Variants in VLDLR observed in about 807,000 individuals in gnomAD.
The protein encoded by VLDLR is very low-density lipoprotein receptor.
In VLDLR, 81 loss-of-function variants were observed where a neutral mutation model predicts 112.7. The observed-to-expected ratio is 0.72, with a 90% CI of 0.60 to 0.86. VLDLR has a LOEUF of 0.86. VLDLR is among the 40% of genes least tolerant of loss of function. VLDLR has a pLI of 0.00. For synonymous variants in VLDLR, 436 were observed against 384.8 expected (o/e 1.13, Z -1.56); for missense variants, 1,237 against 1,099.4 (o/e 1.13, Z -1.77).
chr9:2,626,970 T>C (rs1817119758), intron 1 of VLDLR, among the ~76,000 whole-genome samples: 2 of 152,246 alleles, frequency 1.3e-5, no homozygotes, highest in African/African-American at 2.4e-5. Flanking sequence ...AGATTGATGT[T>C]GGTCATCTTT....
rs567585404 is a variant in VLDLR at position 2,657,245 on chromosome 9, C to G, written c.*3377C>G. On this transcript the variant is annotated 3_prime_UTR_variant, in exon 19 of 19. Transcript: ENST00000382100. ...GAATTCTTACTAGTGAAATCTTACC[C>G]AAGTAAAACAATTTATTATTTTGAA... is the stretch of plus-strand genomic sequence containing the variant. The G allele has an allele frequency of 6.6e-6, 1 of 152,208 alleles. No homozygotes were observed. Among genetic ancestry groups the G allele is most frequent in the Admixed American group, 6.5e-5 (1 of 15,288 alleles). The allele number at this position is 152,208 out of a possible 1,614,324, so 9.4% of individuals were successfully genotyped here.
At chr9:2,633,031 GGA>G (rs71329438) in intron 1 of VLDLR, among the ~76,000 whole-genome samples, 7,011 of 138,280 alleles carry the variant, frequency 0.051, 216 homozygotes, top group Non-Finnish European at 0.063. Context: ...ACTCCTTATT[GGA>G]GAGAGAGAGA....
intron 2 of VLDLR, among the ~76,000 whole-genome samples, chr9:2,638,302 C>T (rs148611941): frequency 1.8e-3 from 270 of 152,288 alleles, no homozygotes; most frequent in Non-Finnish European, 2.8e-3. Context: ...ACTGTAATCA[C>T]TGTCTCTCTC....
Position 2,655,327 on chromosome 9 carries a change from ATTAC to A in VLDLR, c.*1462_*1465del, listed in dbSNP as rs1301019203. 6.6e-6 allele frequency: 1 copy of A among 152,174 alleles called. No homozygotes were observed. The highest frequency in any genetic ancestry group is 1.5e-5 in the Non-Finnish European group (1 of 68,032). The allele number at this position is 152,174 out of a possible 1,614,324, so 9.4% of individuals were successfully genotyped here. A position where few individuals can be genotyped will look rare whatever the true frequency, so the allele number is the denominator to read the frequency against. ...TAGTGAATTTTCCATCAGGTTGGCC[ATTAC>A]TTTCTTTCTCTAAAGTCTCAGGATG... On this transcript the variant is annotated 3_prime_UTR_variant, in exon 19 of 19. Transcript: ENST00000382100.
chr9:2,622,088 C>G lies in VLDLR; in HGVS notation c.-102C>G, dbSNP rs916870455. The G allele has an allele frequency of 8.4e-7, 1 of 1,185,188 alleles. No homozygotes were observed. The highest frequency in any genetic ancestry group is 1.6e-5 in the African/African-American group (1 of 62,472). 73.4% of individuals were successfully genotyped at this position (1,185,188 alleles called of 1,614,324 possible). On this transcript the variant is annotated 5_prime_UTR_variant, in exon 1 of 19. Coordinates refer to ENST00000382100, the MANE Select transcript of VLDLR (RefSeq NM_003383.5). ...TCCCCTCCTTCTCCCCCTTTCCCCT[C>G]CCCGCCCCCACCTTCTTCCTCCTTT...
rs1465484960 is a variant in VLDLR at position 2,654,747 on chromosome 9, C to G, written c.*879C>G. On this transcript the variant is annotated 3_prime_UTR_variant, in exon 19 of 19. Transcript: ENST00000382100. ...AGTGAGTTTCTTTTTTTTCCATTAA[C>G]TTGTTTCCTGATCGAGAAACACGTG... 2 of 152,098 alleles carry G rather than the reference C, an allele frequency of 1.3e-5. No individual in the cohort carries two copies. Among genetic ancestry groups the G allele is most frequent in the African/African-American group, 4.8e-5 (2 of 41,430 alleles). 9.4% of individuals were successfully genotyped at this position (152,098 alleles called of 1,614,324 possible). A position where few individuals can be genotyped will look rare whatever the true frequency, so the allele number is the denominator to read the frequency against.
chr9:2,659,055 T>C lies in VLDLR; in HGVS notation c.*5187T>C, dbSNP rs1237338834. On this transcript the variant is annotated 3_prime_UTR_variant, in exon 19 of 19. Coordinates refer to ENST00000382100, the MANE Select transcript of VLDLR (RefSeq NM_003383.5). ...AATATTTGGGAGCCTGCATAGTCTT[T>C]AGATGGCTGCCAAAGCACTTAAAAT... 6.6e-6 allele frequency: 1 copy of C among 152,214 alleles called. No individual in the cohort carries two copies. Among genetic ancestry groups the C allele is most frequent in the African/African-American group, 2.4e-5 (1 of 41,456 alleles). 9.4% of individuals were successfully genotyped at this position (152,214 alleles called of 1,614,324 possible).
Position 2,647,597 on chromosome 9 carries a change from G to A in VLDLR, c.1822+5G>A, listed in dbSNP as rs748669066. 18 of 1,609,808 alleles carry A rather than the reference G, an allele frequency of 1.1e-5. No individual in the cohort carries two copies. Among genetic ancestry groups the A allele is most frequent in the East Asian group, 2.2e-5 (1 of 44,858 alleles). Reference sequence around the variant, plus strand: ...GGCCTAACGGAATTACACTTGGTATGTATGTTCTTCCTTCTCGACCACCCA... The same window carrying A: ...GGCCTAACGGAATTACACTTGGTATATATGTTCTTCCTTCTCGACCACCCA... On this transcript the variant is annotated splice_donor_5th_base_variant and intron_variant, in intron 12 of 18. Transcript: ENST00000382100.
chr9:2,629,181 C>T (rs1279728079), intron 1 of VLDLR, among the ~76,000 whole-genome samples: 2 of 152,222 alleles, frequency 1.3e-5, no homozygotes, highest in Non-Finnish European at 2.9e-5. Flanking sequence ...AACAAGCCTT[C>T]CTGGGGATTC....
chr9:2,653,016 TGAGA>T (rs139411927), intron 18 of VLDLR, 67 bp downstream of exon 18: 4 of 1,594,800 alleles, frequency 2.5e-6, no homozygotes, highest in Non-Finnish European at 3.4e-6. Context: ...GAGACCTGGG[TGAGA>T]GAGAGAGAGC....
Position 2,656,157 on chromosome 9 carries a change from A to G in VLDLR, c.*2289A>G, listed in dbSNP as rs1350297284. 1 of 151,660 alleles carries G rather than the reference A, an allele frequency of 6.6e-6. No homozygotes were observed. The highest frequency in any genetic ancestry group is 2.4e-5 in the African/African-American group (1 of 40,990). The allele number at this position is 151,660 out of a possible 1,614,324, so 9.4% of individuals were successfully genotyped here. ...CTTTCATGTTCTGGGTAAAATTTCCAACCCTCAAAGAGTCTAAAACGTCTC... is the reference window on the plus strand; with the variant it reads ...CTTTCATGTTCTGGGTAAAATTTCCGACCCTCAAAGAGTCTAAAACGTCTC... On this transcript the variant is annotated 3_prime_UTR_variant, in exon 19 of 19. Coordinates refer to ENST00000382100, the MANE Select transcript of VLDLR (RefSeq NM_003383.5).
At chr9:2,649,473 C>G (rs35497397) in intron 14 of VLDLR, among the ~76,000 whole-genome samples, 1,620 of 152,260 alleles carry the variant, frequency 0.011, 30 homozygotes, top group African/African-American at 0.038. Flanking sequence ...CTCACTGCAA[C>G]CTCCGCCTCC....
Position 2,643,518 on chromosome 9 carries a change from T to G in VLDLR, c.807T>G (p.Asp269Glu). The change falls in exon 5 of 19, where the codon GAT becomes GAG. Residue 269 changes from aspartate to glutamate, a missense_variant. Coordinates refer to ENST00000382100, the MANE Select transcript of VLDLR (RefSeq NM_003383.5). ...DGDPDCKDGS[D>E]EVNCPSRTCR... Reference sequence around the variant, plus strand: ...ACCCTGACTGCAAGGATGGCAGTGATGAGGTCAACTGTCGTAAGTAGCTTT... The same window carrying G: ...ACCCTGACTGCAAGGATGGCAGTGAGGAGGTCAACTGTCGTAAGTAGCTTT... The G allele has an allele frequency of 1.2e-6, 2 of 1,614,228 alleles. No homozygotes were observed. The highest frequency in any genetic ancestry group is 1.7e-6 in the Non-Finnish European group (2 of 1,180,036).
In VLDLR at chr9:2,643,452, C is replaced by T. The variant is rs767167877; in HGVS notation, c.741C>T (p.Gly247=). 11 of 1,614,088 alleles carry T rather than the reference C, an allele frequency of 6.8e-6. No homozygotes were observed. In the South Asian group the frequency reaches 1.2e-4, roughly 18 times the overall value. Residue 247 remains glycine, a synonymous_variant, in exon 5 of 19, where the codon GGC becomes GGT. Transcript: ENST00000382100. ...GTCCAGCCAGCGAAATCCAGTGCGG[C>T]TCTGGCGAGTGCATCCATAAGAAGT... The part of the protein sequence containing the change: ...TKCPASEIQC[G]SGECIHKKWR...
intron 14 of VLDLR, among the ~76,000 whole-genome samples, chr9:2,649,370 G>A (rs569783581): frequency 2.6e-5 from 4 of 151,908 alleles, no homozygotes; most frequent in East Asian, 1.9e-4. Flanking sequence ...GTATATGCTC[G>A]TGTCCAGCTT....
At chr9:2,648,484 A>T in intron 13 of VLDLR, 137 bp downstream of exon 13, 1 of 1,517,620 alleles carries the variant, frequency 6.6e-7, no homozygotes, top group Non-Finnish European at 9.1e-7. Flanking sequence ...ACCTGGTACA[A>T]ATCAGACACT....
chr9:2,644,153 G>GTTTTTTTTTTTTTTTTTTTTTT (rs59793046), intron 7 of VLDLR, among the ~76,000 whole-genome samples, 194 bp downstream of exon 7: 2 of 96,386 alleles, frequency 2.1e-5, no homozygotes, highest in East Asian at 2.9e-4. Context: ...TGTTTTTGTT[G>GTTTTTTTTTTTTTTTTTTTTTT]TTTTTTTTTT....
intron 11 of VLDLR, 131 bp from the exon 12 acceptor site, chr9:2,647,343 C>A (rs567432126): frequency 5.4e-5 from 40 of 741,278 alleles, no homozygotes; most frequent in Non-Finnish European, 8.8e-5. Flanking sequence ...AATTTAGACC[C>A]TTAAGTGTTA....
intron 1 of VLDLR, among the ~76,000 whole-genome samples, chr9:2,632,786 C>G (rs184919341): frequency 1.5e-4 from 23 of 152,248 alleles, no homozygotes; most frequent in Non-Finnish European, 1.9e-4. Flanking sequence ...CTGTGGGAAG[C>G]AGAGAATTAA....
Sources: gnomAD v4.1 joint callset for allele counts (sites outside exome capture counted in the v4.1 genomes callset) on GRCh38, gnomAD v4.1.1 for gene constraint, MANE v1.5 for transcripts, NCBI Gene and HGNC (gene_info 2026-07-23, HGNC 2026-07-21) for gene names.